Variants in PPFIBP2 observed in about 807,000 individuals in gnomAD.
PPFIBP2 encodes the protein liprin-beta-2.
A neutral mutation model predicts 118.3 loss-of-function variants in PPFIBP2; 118 were observed. The observed-to-expected ratio is 1.00, with a 90% confidence interval of 0.86 to 1.16. PPFIBP2 has a LOEUF of 1.16. Among genes scored for constraint, PPFIBP2 ranks in the 50% most tolerant of loss-of-function variants. PPFIBP2 has a pLI of 0.00. For synonymous variants in PPFIBP2, 414 were observed against 397.4 expected (o/e 1.04, Z -0.50); for missense variants, 1,195 against 1,073.1 (o/e 1.11, Z -1.59).
chr11:7,531,523 G>T (rs1850684453), intron 1 of PPFIBP2, among the ~76,000 whole-genome samples: 1 of 152,226 alleles, frequency 6.6e-6, no homozygotes. Context: ...TTACCTTGAT[G>T]TGGTTTAAGG....
intron 7 of PPFIBP2, among the ~76,000 whole-genome samples, chr11:7,623,815 G>A (rs1849639952): frequency 1.3e-5 from 2 of 152,202 alleles, no homozygotes; most frequent in South Asian, 4.1e-4. Context: ...AGAATCATCT[G>A]GCCTTTGTAG....
chr11:7,666,178 A>G, the PPFIBP2 span: 5 of 598,678 alleles, frequency 8.4e-6, no homozygotes, highest in Non-Finnish European at 1.5e-5. Flanking sequence ...GGGTGTTCAC[A>G]GTGGACAGGG....
At chr11:7,518,980 G>A (rs1849489448) in intron 1 of PPFIBP2, among the ~76,000 whole-genome samples, 1 of 152,212 alleles carries the variant, frequency 6.6e-6, no homozygotes, top group Non-Finnish European at 1.5e-5. Flanking sequence ...GGCGTAAGGT[G>A]GCGGGATGGG....
At chr11:7,608,337 T>C (rs1449418660) in intron 5 of PPFIBP2, among the ~76,000 whole-genome samples, 1 of 152,208 alleles carries the variant, frequency 6.6e-6, no homozygotes, top group African/African-American at 2.4e-5. Flanking sequence ...AAACAGACTT[T>C]TGTTTGAACA....
chr11:7,599,628 A>G (rs1047663455), intron 5 of PPFIBP2, among the ~76,000 whole-genome samples: 1 of 137,988 alleles, frequency 7.2e-6, no homozygotes, highest in Non-Finnish European at 1.5e-5. Flanking sequence ...AAACTCAATT[A>G]CTTTTTTTTT....
At chr11:7,626,091 G>T (rs1030107656) in intron 8 of PPFIBP2, among the ~76,000 whole-genome samples, 200 bp downstream of exon 8, 1 of 152,214 alleles carries the variant, frequency 6.6e-6, no homozygotes, top group African/African-American at 2.4e-5. Context: ...CTATAATGCA[G>T]CGCTCTTGTG....
chr11:7,620,814 A>C, intron 6 of PPFIBP2, 121 bp from the exon 7 acceptor site: 1 of 720,190 alleles, frequency 1.4e-6, no homozygotes, highest in Admixed American at 2.1e-5. Flanking sequence ...TTAAAGATTA[A>C]AGCTGTTATG....
At chr11:7,585,529 A>G (rs1857997026) in intron 3 of PPFIBP2, among the ~76,000 whole-genome samples, 1 of 152,204 alleles carries the variant, frequency 6.6e-6, no homozygotes, top group Non-Finnish European at 1.5e-5. Context: ...AACTGCCCTC[A>G]TCCAGCATCC....
chr11:7,621,710 G>T (rs1259652246), intron 7 of PPFIBP2, among the ~76,000 whole-genome samples: 1 of 152,202 alleles, frequency 6.6e-6, no homozygotes, highest in African/African-American at 2.4e-5. Context: ...TAAATTTCAG[G>T]AAGTTTACAT....
intron 6 of PPFIBP2, among the ~76,000 whole-genome samples, chr11:7,617,616 G>T (rs1324532809): frequency 6.6e-6 from 1 of 152,154 alleles, no homozygotes; most frequent in African/African-American, 2.4e-5. Flanking sequence ...CCCTTCTCAG[G>T]TATGTGACTC....
At chr11:7,658,165 C>CT (rs1471694302), downstream of PPFIBP2, among the ~76,000 whole-genome samples, 1 of 151,802 alleles carries the variant, frequency 6.6e-6, no homozygotes, top group African/African-American at 2.4e-5. Context: ...TTTTATTATA[C>CT]TTTAAGTTTT....
chr11:7,611,368 A>T (rs1287869180), intron 6 of PPFIBP2, among the ~76,000 whole-genome samples: 1 of 151,990 alleles, frequency 6.6e-6, no homozygotes, highest in Non-Finnish European at 1.5e-5. Context: ...CTAAAGATGG[A>T]TATTGTTCCC....
At chr11:7,647,446 C>A (rs147083525) in intron 17 of PPFIBP2, among the ~76,000 whole-genome samples, 3 of 152,236 alleles carry the variant, frequency 2.0e-5, no homozygotes, top group African/African-American at 7.2e-5. Flanking sequence ...TTATCTAGCT[C>A]AGTTGACTGC....
At chr11:7,656,420 G>C (rs7942293), downstream of PPFIBP2, among the ~76,000 whole-genome samples, 83,053 of 152,080 alleles carry the variant, frequency 0.55, 24,012 homozygotes, top group Non-Finnish European at 0.65. Flanking sequence ...AACAGGATCA[G>C]TTTTACTCAA....
chr11:7,544,392 C>T (rs1006322868), intron 1 of PPFIBP2, among the ~76,000 whole-genome samples: 2 of 152,184 alleles, frequency 1.3e-5, no homozygotes, highest in African/African-American at 4.8e-5. Context: ...GCCCCTCGTA[C>T]AGTCCCCATG....
intron 2 of PPFIBP2, among the ~76,000 whole-genome samples, chr11:7,565,265 G>C (rs1002768757): frequency 6.6e-6 from 1 of 152,136 alleles, no homozygotes; most frequent in Non-Finnish European, 1.5e-5. Context: ...TGGCCTTCCA[G>C]GTTTCTTTAT....
rs762951359 is a variant in PPFIBP2 at position 7,632,939 on chromosome 11, G to A, written c.1136+5G>A. On this transcript the variant is annotated splice_donor_5th_base_variant and intron_variant, in intron 12 of 23. Transcript: ENST00000299492. ...ACAGAAATCACTGGAAACCAGGTAAGAGGCCTGGGCATTTCCCCACAGCCA... is the reference window on the plus strand; with the variant it reads ...ACAGAAATCACTGGAAACCAGGTAAAAGGCCTGGGCATTTCCCCACAGCCA... The A allele has an allele frequency of 6.2e-7, 1 of 1,612,608 alleles. No homozygotes were observed. Among genetic ancestry groups the A allele is most frequent in the East Asian group, 2.2e-5 (1 of 44,866 alleles).
rs1456865695 is a variant in PPFIBP2, at chr11:7,653,167, C to T, written c.2580C>T (p.Pro860=). ...RVYSGYRGLS[P]LDAPELDGLD... ...ACAGTGGCTACCGGGGCCTCAGCCC[C>T]CTTGATGCCCCTGAACTGGATGGGC... is the stretch of plus-strand genomic sequence containing the variant. The change falls in exon 24 of 24, where the codon CCC becomes CCT. Residue 860 remains proline, a synonymous_variant. Transcript: ENST00000299492. 6.2e-7 allele frequency: 1 copy of T among 1,614,078 alleles called. No individual in the cohort carries two copies. Among genetic ancestry groups the T allele is most frequent in the African/African-American group, 1.3e-5 (1 of 74,918 alleles).
the PPFIBP2 span, chr11:7,666,719 A>T: frequency 3.8e-6 from 2 of 532,898 alleles, no homozygotes; most frequent in Non-Finnish European, 6.7e-6. Flanking sequence ...CTGAAGCTCA[A>T]ACCCTTTGTT....
Sources: gnomAD v4.1 joint callset for allele counts (sites outside exome capture counted in the v4.1 genomes callset) on GRCh38, gnomAD v4.1.1 for gene constraint, MANE v1.5 for transcripts, NCBI Gene and HGNC (gene_info 2026-07-23, HGNC 2026-07-21) for gene names.